PINK1: variants seen among roughly 807,000 people sequenced by gnomAD.
PINK1 encodes serine/threonine-protein kinase PINK1, mitochondrial.
In PINK1, 58 loss-of-function variants were observed where a neutral mutation model predicts 56.0. The ratio of observed to expected loss-of-function variants is 1.04; its 90% CI spans 0.84 to 1.29. PINK1 has a LOEUF of 1.29. PINK1 is among the 50% of genes most tolerant of loss of function. The pLI, the probability that PINK1 is intolerant of heterozygous loss-of-function variation, is 0.00. For synonymous variants in PINK1, 354 were observed against 339.3 expected, an observed-to-expected ratio of 1.04 and a Z score of -0.48; for missense variants, 745 against 777.9, an observed-to-expected ratio of 0.96 and a Z score of 0.50.
intron 1 of PINK1, among the ~76,000 whole-genome samples, chr1:20,635,317 A>G (rs2053045394): frequency 6.6e-6 from 1 of 151,658 alleles, no homozygotes. Context: ...CCTGGCCAAC[A>G]TGGTGGAACC....
Position 20,650,851 on chromosome 1 carries a change from G to A in PINK1, c.*160G>A. Reference sequence around the variant, plus strand: ...GCTTGGCAAATGGAAGAACTTGAGTGAGAGTTCAGTCTGCAGTCCTCTGCT... The same window carrying A: ...GCTTGGCAAATGGAAGAACTTGAGTAAGAGTTCAGTCTGCAGTCCTCTGCT... On this transcript the variant is annotated 3_prime_UTR_variant, in exon 8 of 8. Transcript: ENST00000321556. 1 of 933,444 alleles carries A rather than the reference G, an allele frequency of 1.1e-6. No individual in the cohort carries two copies. The allele number at this position is 933,444 out of a possible 1,614,324, so 57.8% of individuals were successfully genotyped here.
chr1:20,637,801 C>G (rs772124063), intron 1 of PINK1, 41 bp from the exon 2 acceptor site: 1 of 1,611,152 alleles, frequency 6.2e-7, no homozygotes, highest in Non-Finnish European at 8.5e-7. Context: ...TTGGGCCTTC[C>G]TAGGCTCCCT....
At chr1:20,645,767 G>C in intron 5 of PINK1, 44 bp downstream of exon 5, 1 of 1,612,928 alleles carries the variant, frequency 6.2e-7, no homozygotes, top group South Asian at 1.1e-5. Flanking sequence ...GGGCACTAGA[G>C]GGTGGGTCAG....
In PINK1 at chr1:20,649,013, G is replaced by T. The variant is rs769395168; in HGVS notation, c.1270G>T (p.Gly424Cys). ...MAPEVSTARPGPRAVIDYSKA... is the reference protein window; with the variant it reads ...MAPEVSTARPCPRAVIDYSKA... ...TGAGCAGGTGTCCACGGCCCGTCCT[G>T]GCCCCAGGGCAGTGATTGACTACAG... Residue 424 changes from glycine to cysteine, a missense_variant, in exon 7 of 8, where the codon GGC becomes TGC. Transcript: ENST00000321556. The T allele has an allele frequency of 6.2e-7, 1 of 1,613,504 alleles. No individual in the cohort carries two copies. The highest frequency in any genetic ancestry group is 2.2e-5 in the East Asian group (1 of 44,888).
chr1:20,650,567 C>G lies in PINK1; in HGVS notation c.1622C>G (p.Ala541Gly). Residue 541 changes from alanine to glycine, a missense_variant, in exon 8 of 8, where the codon GCC becomes GGC. Ala to Gly is a moderately conservative substitution (Grantham distance 60, BLOSUM62 0). Transcript: ENST00000321556. ...LLQQSAATLL[A>G]NRLTEKCCVE... ...CAACAATCGGCCGCCACTTTGTTGG[C>G]CAACAGGCTCACAGAGAAGTGTTGT... The G allele has an allele frequency of 2.5e-6, 4 of 1,614,230 alleles. No individual in the cohort carries two copies. Among genetic ancestry groups the G allele is most frequent in the African/African-American group, 1.3e-5 (1 of 75,066 alleles).
chr1:20,648,834 G>A (rs1490154787), intron 6 of PINK1, 161 bp from the exon 7 acceptor site: 3 of 1,241,008 alleles, frequency 2.4e-6, no homozygotes, highest in Non-Finnish European at 3.4e-6. Flanking sequence ...ACATAAACCA[G>A]GTGGTCTAAG....
intron 5 of PINK1, 172 bp from the exon 6 acceptor site, chr1:20,648,333 C>T (rs930345359): frequency 1.2e-5 from 11 of 881,940 alleles, no homozygotes; most frequent in African/African-American, 6.6e-5. Flanking sequence ...TTTCCGTGTT[C>T]GCACAGCAGG....
At chr1:20,642,135 A>G (rs1048311767) in intron 3 of PINK1, among the ~76,000 whole-genome samples, 1 of 152,308 alleles carries the variant, frequency 6.6e-6, no homozygotes, top group African/African-American at 2.4e-5. Flanking sequence ...GGGACCATGC[A>G]GTGCTGGGAG....
intron 1 of PINK1, among the ~76,000 whole-genome samples, chr1:20,637,290 G>C (rs1302105140): frequency 6.6e-6 from 1 of 152,228 alleles, no homozygotes; most frequent in Non-Finnish European, 1.5e-5. Context: ...ATCTATTTCT[G>C]TCTGAACTCT....
At chr1:20,648,894 T>G (rs1408207088) in intron 6 of PINK1, 101 bp from the exon 7 acceptor site, 14 of 1,413,842 alleles carry the variant, frequency 9.9e-6, no homozygotes, top group Non-Finnish European at 1.4e-5. Flanking sequence ...CTGGGTTCCT[T>G]GGGACAGAGT....
At position 20,633,719 on chromosome 1, in the gene PINK1, C is replaced by T; in HGVS notation, c.171C>T (p.Arg57=). 6.5e-7 allele frequency: 1 copy of T among 1,528,450 alleles called. No homozygotes were observed. The highest frequency in any genetic ancestry group is 1.2e-5 in the South Asian group (1 of 83,468). The allele number at this position is 1,528,450 out of a possible 1,614,324, so 94.7% of individuals were successfully genotyped here. A position where few individuals can be genotyped will look rare whatever the true frequency, so the allele number is the denominator to read the frequency against. ...GWAAGPGAEP[R]RVGLGLPNRL... is the part of the protein sequence containing the mutation. ...CCGCAGGACCGGGCGCGGAGCCTCGCAGGGTCGGGCTCGGGCTCCCTAACC... is the reference window on the plus strand; with the variant it reads ...CCGCAGGACCGGGCGCGGAGCCTCGTAGGGTCGGGCTCGGGCTCCCTAACC... The change falls in exon 1 of 8, where the codon CGC becomes CGT. Residue 57 remains arginine, a synonymous_variant. Transcript: ENST00000321556.
Position 20,650,619 on chromosome 1 carries a change from T to C in PINK1, c.1674T>C (p.Phe558=). The C allele has an allele frequency of 1.2e-6, 2 of 1,614,242 alleles. No homozygotes were observed. The highest frequency in any genetic ancestry group is 1.7e-6 in the Non-Finnish European group (2 of 1,180,044). ...CCVETKMKML[F]LANLECETLC... ...TGGAAACAAAAATGAAGATGCTCTT[T>C]CTGGCTAACCTGGAGTGTGAAACGC... Residue 558 remains phenylalanine (F), a synonymous_variant, in exon 8 of 8, where the codon TTT becomes TTC. Transcript: ENST00000321556.
intron 5 of PINK1, 38 bp downstream of exon 5, chr1:20,645,761 A>G: frequency 6.2e-7 from 1 of 1,613,650 alleles, no homozygotes; most frequent in Non-Finnish European, 8.5e-7. Flanking sequence ...CTCCAGGGGC[A>G]CTAGAGGGTG....
chr1:20,638,028 C>T lies in PINK1; in HGVS notation c.574C>T (p.Pro192Ser). ...GGTGACAAAGAGCACCGGGTTGCTT[C>T]CAGGGAGAGGCCCAGGTACCAGTGC... ...LEVTKSTGLL[P>S]GRGPGTSAPG... The change falls in exon 2 of 8, where the codon CCA (proline) becomes TCA (serine). Residue 192 changes from proline (P) to serine (S), a missense_variant. Coordinates refer to ENST00000321556, the MANE Select transcript of PINK1 (RefSeq NM_032409.3). 1 of 1,614,168 alleles carries T rather than the reference C, an allele frequency of 6.2e-7. No homozygotes were observed. Among genetic ancestry groups the T allele is most frequent in the East Asian group, 2.2e-5 (1 of 44,874 alleles).
At chr1:20,634,037 G>C in intron 1 of PINK1, 102 bp downstream of exon 1, 1 of 1,402,504 alleles carries the variant, frequency 7.1e-7, no homozygotes, top group Non-Finnish European at 9.7e-7. Context: ...GCGGGGCTCT[G>C]AGCAGATCGA....
chr1:20,633,995 T>A, intron 1 of PINK1, 60 bp downstream of exon 1: 11 of 1,278,068 alleles, frequency 8.6e-6, no homozygotes, highest in Non-Finnish European at 1.1e-5. Flanking sequence ...GGGCGGGTCC[T>A]CAGCTGGGTG....
chr1:20,648,034 T>G (rs1134028), intron 5 of PINK1, among the ~76,000 whole-genome samples: 1 of 151,724 alleles, frequency 6.6e-6, no homozygotes, highest in African/African-American at 2.4e-5. Context: ...AGGCTGGTCT[T>G]GAACTCCTGA....
chr1:20,650,371 G>A, intron 7 of PINK1, 63 bp from the exon 8 acceptor site: 1 of 1,603,222 alleles, frequency 6.2e-7, no homozygotes, highest in Non-Finnish European at 8.5e-7. Flanking sequence ...CACTAACAAA[G>A]CAGGCTTTGG....
rs773637957 is a variant in PINK1 at position 20,637,868 on chromosome 1, G to A, written c.414G>A (p.Pro138=). The change falls in exon 2 of 8, where the codon CCG becomes CCA. Residue 138 remains proline (P), a synonymous_variant. Transcript: ENST00000321556. ...IQAIFTQKSK[P]GPDPLDTRRL... is the part of the protein sequence containing the mutation. ...CAATTTTTACCCAGAAAAGCAAGCC[G>A]GGGCCTGACCCGTTGGACACGAGAC... The A allele has an allele frequency of 8.7e-6, 14 of 1,614,010 alleles. No homozygotes were observed. Among genetic ancestry groups the A allele is most frequent in the African/African-American group, 2.7e-5 (2 of 74,930 alleles).
Sources: allele counts gnomAD v4.1 joint callset (sites outside exome capture counted in the v4.1 genomes callset), GRCh38; gene constraint gnomAD v4.1.1; transcripts MANE v1.5; gene names NCBI Gene and HGNC (gene_info 2026-07-23, HGNC 2026-07-21).